Variants in ARHGAP24 observed in about 807,000 individuals in gnomAD.
The protein encoded by ARHGAP24 is Rho GTPase activating protein 24, also known as rho GTPase-activating protein 24.
In ARHGAP24, 50 loss-of-function variants were observed where a neutral mutation model predicts 76.4. The ratio of observed to expected loss-of-function variants is 0.65; its 90% CI spans 0.52 to 0.83. ARHGAP24 has a LOEUF of 0.83. Ranked by LOEUF, ARHGAP24 falls within the 40% of genes least tolerant of loss-of-function variation. The pLI, the probability that ARHGAP24 is intolerant of heterozygous loss-of-function variation, is 0.00. For missense variants in ARHGAP24, 930 were observed against 914.2 expected, an observed-to-expected ratio of 1.02 and a Z score of -0.22; for synonymous variants, 345 against 323.3, an observed-to-expected ratio of 1.07 and a Z score of -0.72.
intron 5 of ARHGAP24, among the ~76,000 whole-genome samples, chr4:85,955,194 A>G (rs1425658102): frequency 5.3e-5 from 8 of 151,974 alleles, no homozygotes; most frequent in Admixed American, 6.6e-5. Context: ...GTCCCTATAC[A>G]TGACTATTTG....
intron 3 of ARHGAP24, among the ~76,000 whole-genome samples, chr4:85,875,616 TG>T (rs1732877383): frequency 8.2e-6 from 1 of 121,788 alleles, no homozygotes; most frequent in Admixed American, 1.1e-4. Context: ...ATTATATATA[TG>T]TAATGTATAT....
chr4:85,923,822 C>T, intron 4 of ARHGAP24, 52 bp downstream of exon 4: 1 of 1,612,448 alleles, frequency 6.2e-7, no homozygotes. Flanking sequence ...CAAACCTGTT[C>T]ATCCCTTTCC....
chr4:85,546,693 T>G, intron 1 of ARHGAP24, among the ~76,000 whole-genome samples: 1 of 152,212 alleles, frequency 6.6e-6, no homozygotes, highest in East Asian at 1.9e-4. Flanking sequence ...ATAATAGCAC[T>G]ACTTGAAACC....
chr4:85,971,964 C>T, intron 5 of ARHGAP24, 72 bp from the exon 6 acceptor site: 3 of 1,608,138 alleles, frequency 1.9e-6, no homozygotes, highest in African/African-American at 1.3e-5. Context: ...GACTCCTGGG[C>T]TCTTGAAAAA....
chr4:85,816,741 T>C (rs1354489561), intron 3 of ARHGAP24, among the ~76,000 whole-genome samples: 1 of 152,164 alleles, frequency 6.6e-6, no homozygotes, highest in Non-Finnish European at 1.5e-5. Context: ...AGTGCACATA[T>C]CCATTCTAGA....
At chr4:85,991,224 G>A (rs1560770373) in intron 8 of ARHGAP24, 1 of 152,108 alleles carries the variant, frequency 6.6e-6, no homozygotes, top group Non-Finnish European at 1.5e-5. Context: ...AAAGTGTAAA[G>A]TTAAGACTGA....
chr4:85,725,639 T>G (rs1316646407), intron 3 of ARHGAP24, among the ~76,000 whole-genome samples: 1 of 152,258 alleles, frequency 6.6e-6, no homozygotes, highest in African/African-American at 2.4e-5. Flanking sequence ...CTTTCACAGA[T>G]GCATTTGTGG....
intron 2 of ARHGAP24, among the ~76,000 whole-genome samples, chr4:85,713,503 C>T (rs1451391167): frequency 6.6e-6 from 1 of 152,006 alleles, no homozygotes; most frequent in Non-Finnish European, 1.5e-5. Context: ...GCATTTTCAA[C>T]GTCCTACATC....
chr4:85,551,540 C>G lies in ARHGAP24; in HGVS notation c.-20-18982C>G, dbSNP rs942769584. Among the ~76,000 whole-genome samples, 10 of 152,086 alleles carry G rather than the reference C, an allele frequency of 6.6e-5. No individual in the cohort carries two copies. The East Asian group carries it at 1.5e-3, about 23-fold the overall frequency. On this transcript the variant is annotated intron_variant, in intron 1 of 9. Coordinates refer to ENST00000395184, the MANE Select transcript of ARHGAP24 (RefSeq NM_001025616.3). ...CCTGGGTTTTGGTATCAGAATGATGCTGGCCTTATAGAATGAGTTGGAGAG... is the reference window on the plus strand; with the variant it reads ...CCTGGGTTTTGGTATCAGAATGATGGTGGCCTTATAGAATGAGTTGGAGAG...
intron 2 of ARHGAP24, among the ~76,000 whole-genome samples, chr4:85,700,149 G>T (rs1578151393): frequency 6.6e-6 from 1 of 152,104 alleles, no homozygotes; most frequent in Non-Finnish European, 1.5e-5. Flanking sequence ...AATCCCAGCA[G>T]TTTGGGAGGC....
chr4:85,992,313 C>A (rs570594827), intron 8 of ARHGAP24: 10 of 389,252 alleles, frequency 2.6e-5, no homozygotes, highest in African/African-American at 1.5e-4. Context: ...CATTTATTGT[C>A]CCAGAGACTA....
At chr4:85,927,666 T>A (rs1037010931) in intron 4 of ARHGAP24, among the ~76,000 whole-genome samples, 4 of 152,232 alleles carry the variant, frequency 2.6e-5, no homozygotes, top group African/African-American at 9.6e-5. Flanking sequence ...GGAGGTGACA[T>A]ATCACTCTGA....
At chr4:85,871,281 G>A (rs1168952314) in intron 3 of ARHGAP24, among the ~76,000 whole-genome samples, 1 of 152,094 alleles carries the variant, frequency 6.6e-6, no homozygotes, top group South Asian at 2.1e-4. Context: ...ATCAGCTACT[G>A]CTTTAGAATA....
intron 2 of ARHGAP24, among the ~76,000 whole-genome samples, chr4:85,636,668 G>C (rs1461174202): frequency 6.6e-6 from 1 of 151,896 alleles, no homozygotes; most frequent in Non-Finnish European, 1.5e-5. Flanking sequence ...TGAAAATGCG[G>C]TGGAAATAAC....
At chr4:85,777,180 A>G (rs770283659) in intron 3 of ARHGAP24, among the ~76,000 whole-genome samples, 21 of 152,208 alleles carry the variant, frequency 1.4e-4, no homozygotes, top group Non-Finnish European at 2.5e-4. Context: ...ATTTCTCAAC[A>G]TTTTGGAAAA....
chr4:85,489,607 G>A (rs185797869), intron 1 of ARHGAP24, among the ~76,000 whole-genome samples: 1 of 152,310 alleles, frequency 6.6e-6, no homozygotes, highest in Non-Finnish European at 1.5e-5. Context: ...GCTGTGGGGT[G>A]CCAGAGAATG....
chr4:85,669,902 A>T (rs925677032), intron 2 of ARHGAP24, among the ~76,000 whole-genome samples: 1 of 151,956 alleles, frequency 6.6e-6, no homozygotes, highest in Non-Finnish European at 1.5e-5. Context: ...TGGTGACTAA[A>T]TTATCCACTT....
chr4:85,721,016 G>T (rs1724912357), intron 2 of ARHGAP24, among the ~76,000 whole-genome samples: 1 of 152,204 alleles, frequency 6.6e-6, no homozygotes, highest in South Asian at 2.1e-4. Flanking sequence ...ATAGCGGGAA[G>T]TCAAAGTACT....
intron 2 of ARHGAP24, among the ~76,000 whole-genome samples, chr4:85,720,640 T>C (rs1312077157): frequency 2.0e-5 from 3 of 152,198 alleles, no homozygotes; most frequent in Admixed American, 6.5e-5. Flanking sequence ...ATTGAAATCA[T>C]AGGCCTGGAT....
Sources: gnomAD v4.1 joint callset for allele counts (sites outside exome capture counted in the v4.1 genomes callset) on GRCh38, gnomAD v4.1.1 for gene constraint, MANE v1.5 for transcripts, NCBI Gene and HGNC (gene_info 2026-07-23, HGNC 2026-07-21) for gene names.